Variants in HNMT observed in about 807,000 individuals in gnomAD.
HNMT encodes histamine N-methyltransferase.
Under a neutral mutation model 32.1 loss-of-function variants are expected in HNMT, and 30 were observed. The observed-to-expected ratio is 0.93, with a 90% CI of 0.70 to 1.27. The LOEUF (loss-of-function observed/expected upper bound fraction) is 1.27, where lower values mean the gene tolerates loss of function less well. HNMT is among the 50% of genes most tolerant of loss of function. The pLI is 0.00. For synonymous variants in HNMT, 125 were observed against 119.0 expected, an observed-to-expected ratio of 1.05 and a Z score of -0.33; for missense variants, 327 against 346.0, an observed-to-expected ratio of 0.95 and a Z score of 0.43.
chr2:137,998,147 T>TA (rs1380481077), intron 2 of HNMT, among the ~76,000 whole-genome samples: 2 of 151,828 alleles, frequency 1.3e-5, no homozygotes, highest in South Asian at 2.1e-4. Flanking sequence ...TCAGAAGAAA[T>TA]AAAAAAAAGC....
chr2:138,002,744 G>C (rs1200088196), intron 4 of HNMT: 1 of 936,152 alleles, frequency 1.1e-6, no homozygotes, highest in East Asian at 1.2e-4. Context: ...ACTGCACCCA[G>C]TCTTTAATTT....
At chr2:138,001,421 G>A (rs1218383533) in intron 3 of HNMT, among the ~76,000 whole-genome samples, 1 of 152,152 alleles carries the variant, frequency 6.6e-6, no homozygotes, top group Non-Finnish European at 1.5e-5. Flanking sequence ...GGTCAATTCA[G>A]TCTCTGCCAT....
chr2:137,981,261 G>T, intron 2 of HNMT: 1 of 1,613,608 alleles, frequency 6.2e-7, no homozygotes, highest in African/African-American at 1.3e-5. Context: ...CGGAATTCGT[G>T]TTTCATTTTG....
chr2:137,975,824 C>G (rs577741834), intron 2 of HNMT, among the ~76,000 whole-genome samples: 1 of 152,280 alleles, frequency 6.6e-6, no homozygotes, highest in African/African-American at 2.4e-5. Context: ...TGAGAAAATA[C>G]AGGGAATTGA....
At chr2:138,011,467 A>C (rs1681501544) in intron 5 of HNMT, among the ~76,000 whole-genome samples, 1 of 152,098 alleles carries the variant, frequency 6.6e-6, no homozygotes. Flanking sequence ...ATATAAGTAG[A>C]ACATCAATTA....
chr2:137,999,475 A>G (rs564937626), intron 2 of HNMT, among the ~76,000 whole-genome samples: 105 of 152,166 alleles, frequency 6.9e-4, no homozygotes, highest in African/African-American at 2.4e-3. Flanking sequence ...ATGCACCTGG[A>G]CCACTGTCTT....
rs192012469 is a variant in HNMT, at chr2:138,007,579, C to A, written c.523+2354C>A. On this transcript the variant is annotated intron_variant, in intron 5 of 5. Coordinates refer to ENST00000280097, the MANE Select transcript of HNMT (RefSeq NM_006895.3). ...GGTAATCCATCCCCTCATCATCACT[C>A]CTTTACTCCTGAGGGTTCCTGGGGG... 1.2e-4 allele frequency among the ~76,000 whole-genome samples: 18 copies of A among 152,074 alleles called. No homozygotes were observed. The East Asian group carries it at 2.9e-3, about 25-fold the overall frequency.
At chr2:137,999,875 A>G (rs1046726911) in intron 2 of HNMT, among the ~76,000 whole-genome samples, 1 of 151,794 alleles carries the variant, frequency 6.6e-6, no homozygotes, top group East Asian at 2.0e-4. Flanking sequence ...TTTAACCCTC[A>G]CAACTAATAA....
intron 1 of HNMT, among the ~76,000 whole-genome samples, chr2:137,965,373 A>G (rs534647558): frequency 1.3e-5 from 2 of 152,246 alleles, no homozygotes; most frequent in African/African-American, 2.4e-5. Flanking sequence ...ATTCTACTTC[A>G]GGAAATAATA....
At chr2:137,982,242 A>G (rs1490886537) in intron 2 of HNMT, among the ~76,000 whole-genome samples, 9 of 152,202 alleles carry the variant, frequency 5.9e-5, no homozygotes, top group Non-Finnish European at 1.3e-4. Flanking sequence ...TATTAAACGT[A>G]TCCTTGAACT....
intron 5 of HNMT, among the ~76,000 whole-genome samples, chr2:138,008,006 T>G (rs928348489): frequency 6.6e-6 from 1 of 151,970 alleles, no homozygotes; most frequent in Non-Finnish European, 1.5e-5. Flanking sequence ...AACTTTTATT[T>G]TAAGTTCAGG....
At chr2:137,969,008 T>A (rs1680042187) in intron 1 of HNMT, among the ~76,000 whole-genome samples, 1 of 152,188 alleles carries the variant, frequency 6.6e-6, no homozygotes, top group South Asian at 2.1e-4. Context: ...TCAGTTTTAA[T>A]CCCATTGCCA....
intron 2 of HNMT, among the ~76,000 whole-genome samples, chr2:137,993,367 G>A (rs138027456): frequency 6.6e-6 from 1 of 152,128 alleles, no homozygotes; most frequent in Admixed American, 6.6e-5. Flanking sequence ...TAAACAACAT[G>A]TTGGAGCTGA....
intron 2 of HNMT, among the ~76,000 whole-genome samples, chr2:137,978,002 C>T (rs1041297492): frequency 1.3e-5 from 2 of 152,004 alleles, no homozygotes; most frequent in South Asian, 2.1e-4. Context: ...TGCTACAGTT[C>T]CTCAGCCTGC....
intron 2 of HNMT, among the ~76,000 whole-genome samples, chr2:137,974,231 C>T (rs1680219726): frequency 6.6e-6 from 1 of 152,108 alleles, no homozygotes; most frequent in African/African-American, 2.4e-5. Flanking sequence ...AGTTTGTGTG[C>T]TTTAATGAGA....
At chr2:137,984,259 T>G (rs938358668) in intron 2 of HNMT, among the ~76,000 whole-genome samples, 3 of 152,242 alleles carry the variant, frequency 2.0e-5, no homozygotes, top group African/African-American at 7.2e-5. Context: ...TCGTAGGTTA[T>G]GCATATATTT....
chr2:138,014,161 AT>A lies in HNMT; in HGVS notation c.*32del. On this transcript the variant is annotated 3_prime_UTR_variant, in exon 6 of 6. Coordinates refer to ENST00000280097, the MANE Select transcript of HNMT (RefSeq NM_006895.3). The stretch of plus-strand genomic sequence containing the variant: ...AATCACAAAAGTATATTCAAAAATT[AT>A]ATTTTGAACAACTCGAATCACTCAT... The A allele has an allele frequency of 7.6e-7, 1 of 1,324,268 alleles. No homozygotes were observed. Among genetic ancestry groups the A allele is most frequent in the Non-Finnish European group, 1.0e-6 (1 of 955,738 alleles). The allele number at this position is 1,324,268 out of a possible 1,614,324, so 82.0% of individuals were successfully genotyped here.
At chr2:137,986,755 AG>A (rs1680662811) in intron 2 of HNMT, among the ~76,000 whole-genome samples, 1 of 152,226 alleles carries the variant, frequency 6.6e-6, no homozygotes, top group African/African-American at 2.4e-5. Flanking sequence ...ATAAAAAAAG[AG>A]AATTAAAAAT....
chr2:137,984,129 A>T (rs1484094390), intron 2 of HNMT, among the ~76,000 whole-genome samples: 1 of 152,110 alleles, frequency 6.6e-6, no homozygotes, highest in African/African-American at 2.4e-5. Flanking sequence ...CTTTCCATCT[A>T]ACTCCCTTCT....
Sources: gnomAD v4.1 joint callset for allele counts (sites outside exome capture counted in the v4.1 genomes callset) on GRCh38, gnomAD v4.1.1 for gene constraint, MANE v1.5 for transcripts, NCBI Gene and HGNC (gene_info 2026-07-23, HGNC 2026-07-21) for gene names.